MAGI2: variants seen among roughly 807,000 people sequenced by gnomAD.
MAGI2 encodes membrane associated guanylate kinase, WW and PDZ domain containing 2.
A neutral mutation model predicts 133.3 loss-of-function variants in MAGI2; 35 were observed. The ratio of observed to expected loss-of-function variants is 0.26; its 90% CI spans 0.20 to 0.35. The LOEUF is 0.35. Among genes scored for constraint, MAGI2 ranks in the 10% least tolerant of loss-of-function variants. The probability of loss-of-function intolerance (pLI) is 1.00; values close to 1 mark genes in which losing one functional copy is unlikely to be tolerated. For missense variants in MAGI2, 1,636 were observed against 1,863.4 expected (o/e 0.88, Z 2.25); for synonymous variants, 729 against 710.6 (o/e 1.03, Z -0.41).
intron 2 of MAGI2, among the ~76,000 whole-genome samples, chr7:78,839,495 TG>T (rs1393455724): frequency 8.5e-5 from 13 of 152,084 alleles, no homozygotes; most frequent in African/African-American, 2.9e-4. Context: ...TTTCTGGCAC[TG>T]GGTAATTTAT....
At chr7:78,108,665 T>TGTATACACACATATATGTGA (rs1818955093) in intron 20 of MAGI2, among the ~76,000 whole-genome samples, 14 of 133,748 alleles carry the variant, frequency 1.0e-4, no homozygotes, top group African/African-American at 3.1e-4. Flanking sequence ...TGTGTGTGTG[T>TGTATACACACATATATGTGA]GTGTATACAC....
intron 16 of MAGI2, 187 bp downstream of exon 16, chr7:78,159,838 G>T: frequency 3.5e-6 from 2 of 564,574 alleles, no homozygotes; most frequent in Non-Finnish European, 5.6e-6. Context: ...CCTTCTTCTT[G>T]AGCCAGAGGT....
intron 1 of MAGI2, among the ~76,000 whole-genome samples, chr7:79,050,197 G>A (rs1812548582): frequency 6.6e-6 from 1 of 152,118 alleles, no homozygotes; most frequent in African/African-American, 2.4e-5. Context: ...TGGGCTCCAT[G>A]CACACGTGGG....
chr7:78,307,092 T>C (rs1798301337), intron 9 of MAGI2, among the ~76,000 whole-genome samples: 1 of 152,160 alleles, frequency 6.6e-6, no homozygotes, highest in South Asian at 2.1e-4. Context: ...ATTAATCCCA[T>C]ACTAAAGAAA....
At chr7:78,458,506 A>G (rs999261827) in intron 6 of MAGI2, among the ~76,000 whole-genome samples, 2 of 152,092 alleles carry the variant, frequency 1.3e-5, no homozygotes, top group East Asian at 3.9e-4. Flanking sequence ...GTGCATATAT[A>G]AGTTTATATA....
chr7:78,708,413 A>G (rs1237951127), intron 2 of MAGI2, among the ~76,000 whole-genome samples: 1 of 152,196 alleles, frequency 6.6e-6, no homozygotes, highest in Non-Finnish European at 1.5e-5. Flanking sequence ...AGAATAATTC[A>G]GAGCCTTTTC....
At chr7:78,430,042 A>C (rs1046544294) in intron 6 of MAGI2, among the ~76,000 whole-genome samples, 4 of 151,966 alleles carry the variant, frequency 2.6e-5, no homozygotes, top group Non-Finnish European at 5.9e-5. Context: ...GGCATTTCCC[A>C]CACTTTAATG....
At chr7:78,943,107 A>G (rs1223269129) in intron 2 of MAGI2, among the ~76,000 whole-genome samples, 1 of 152,128 alleles carries the variant, frequency 6.6e-6, no homozygotes, top group Non-Finnish European at 1.5e-5. Flanking sequence ...AAATAAGGGA[A>G]GGTCTGCACT....
At chr7:79,222,004 C>T (rs1830477555) in intron 1 of MAGI2, among the ~76,000 whole-genome samples, 1 of 151,934 alleles carries the variant, frequency 6.6e-6, no homozygotes, top group Admixed American at 6.6e-5. Context: ...AACAGCTCAC[C>T]CACTCATTGA....
At chr7:79,197,964 G>C (rs1828237793) in intron 1 of MAGI2, among the ~76,000 whole-genome samples, 1 of 151,904 alleles carries the variant, frequency 6.6e-6, no homozygotes, top group African/African-American at 2.4e-5. Flanking sequence ...CATAGCAAGA[G>C]GGCTGGGGGT....
chr7:78,881,889 T>C, intron 2 of MAGI2, among the ~76,000 whole-genome samples: 1 of 148,510 alleles, frequency 6.7e-6, no homozygotes. Context: ...TTAAAGGAAC[T>C]AGAAAAACAA....
chr7:78,314,611 G>T (rs889996732), intron 9 of MAGI2, among the ~76,000 whole-genome samples: 1 of 152,174 alleles, frequency 6.6e-6, no homozygotes, highest in Non-Finnish European at 1.5e-5. Context: ...CCAGGGGCAT[G>T]TGCACACATG....
At chr7:79,217,276 ATGTAGTCAGT>A (rs147571873) in intron 1 of MAGI2, among the ~76,000 whole-genome samples, 3,321 of 152,112 alleles carry the variant, frequency 0.022, 173 homozygotes, top group African/African-American at 0.076. Flanking sequence ...ACCTCAGTGA[ATGTAGTCAGT>A]TTATTAAATA....
At chr7:79,052,640 C>A (rs1355198983) in intron 1 of MAGI2, among the ~76,000 whole-genome samples, 2 of 151,820 alleles carry the variant, frequency 1.3e-5, no homozygotes, top group African/African-American at 4.8e-5. Flanking sequence ...AATATGAAAA[C>A]GAATTAATAT....
intron 6 of MAGI2, among the ~76,000 whole-genome samples, chr7:78,389,641 A>G (rs1182288094): frequency 6.6e-6 from 1 of 152,170 alleles, no homozygotes; most frequent in Non-Finnish European, 1.5e-5. Context: ...TTGTGATTTT[A>G]TGCTCTTTAA....
chr7:78,727,797 T>G (rs1351400496), intron 2 of MAGI2, among the ~76,000 whole-genome samples: 1 of 152,206 alleles, frequency 6.6e-6, no homozygotes, highest in Non-Finnish European at 1.5e-5. Flanking sequence ...TTTGAGTCTG[T>G]TTATTTATTT....
At chr7:79,397,202 C>T (rs1845124003) in intron 1 of MAGI2, among the ~76,000 whole-genome samples, 2 of 148,868 alleles carry the variant, frequency 1.3e-5, no homozygotes, top group Non-Finnish European at 3.0e-5. Context: ...TATATAAATA[C>T]ATTGTTTATA....
chr7:78,295,789 T>C (rs1328106818), intron 9 of MAGI2, among the ~76,000 whole-genome samples: 1 of 152,172 alleles, frequency 6.6e-6, no homozygotes, highest in African/African-American at 2.4e-5. Context: ...AACTTCAGGC[T>C]CAACTACTCA....
At chr7:79,180,848 G>A (rs1385844559) in intron 1 of MAGI2, among the ~76,000 whole-genome samples, 1 of 151,800 alleles carries the variant, frequency 6.6e-6, no homozygotes, top group African/African-American at 2.4e-5. Flanking sequence ...GGGTAAATAT[G>A]CCAATTTGGA....
Sources: allele counts gnomAD v4.1 joint callset (sites outside exome capture counted in the v4.1 genomes callset), GRCh38; gene constraint gnomAD v4.1.1; transcripts MANE v1.5; gene names NCBI Gene and HGNC (gene_info 2026-07-23, HGNC 2026-07-21).